SLC13A3: variants seen among roughly 807,000 people sequenced by gnomAD.
The protein encoded by SLC13A3 is solute carrier family 13 member 3, also known as Na(+)/dicarboxylate cotransporter 3.
A neutral mutation model predicts 59.0 loss-of-function variants in SLC13A3; 40 were observed. The ratio of observed to expected loss-of-function variants is 0.68; its 90% CI spans 0.53 to 0.88. The LOEUF is 0.88. Ranked by LOEUF, SLC13A3 falls within the 40% of genes least tolerant of loss-of-function variation. The pLI, the probability that SLC13A3 is intolerant of heterozygous loss-of-function variation, is 0.00. For synonymous variants in SLC13A3, 317 were observed against 330.3 expected (o/e 0.96, Z 0.44); for missense variants, 699 against 783.2 (o/e 0.89, Z 1.28).
chr20:46,563,460 G>T lies in SLC13A3; in HGVS notation c.1586C>A (p.Pro529His), dbSNP rs777030097. Reference sequence around the variant, plus strand: ...TCCAGAGGCGAAGGCGATGGAGTTGGGGGGCGTTGAGACCGGGAGCATGAA... The same window carrying T: ...TCCAGAGGCGAAGGCGATGGAGTTGTGGGGCGTTGAGACCGGGAGCATGAA... ...FAFMLPVSTPPNSIAFASGHL... is the reference protein window; with the variant it reads ...FAFMLPVSTPHNSIAFASGHL... The change falls in exon 12 of 13, where the codon CCC becomes CAC. Residue 529 changes from proline to histidine, a missense_variant. Transcript: ENST00000279027. 6.2e-7 allele frequency: 1 copy of T among 1,614,168 alleles called. No individual in the cohort carries two copies. Among genetic ancestry groups the T allele is most frequent in the South Asian group, 1.1e-5 (1 of 91,084 alleles).
chr20:46,645,534 T>C (rs927908287), intron 1 of SLC13A3, among the ~76,000 whole-genome samples: 1 of 152,142 alleles, frequency 6.6e-6, no homozygotes, highest in Non-Finnish European at 1.5e-5. Context: ...AGGCTATGGG[T>C]CCAGTATTTC....
intron 1 of SLC13A3, among the ~76,000 whole-genome samples, chr20:46,635,587 G>A (rs1007649165): frequency 4.6e-5 from 7 of 152,092 alleles, no homozygotes; most frequent in African/African-American, 1.7e-4. Flanking sequence ...TCCCTACCCT[G>A]CTTTTGTTCT....
intron 3 of SLC13A3, 83 bp downstream of exon 3, chr20:46,610,363 G>A: frequency 7.1e-7 from 1 of 1,403,354 alleles, no homozygotes; most frequent in Non-Finnish European, 9.8e-7. Context: ...CATGCCCTTG[G>A]CCTTCCCTAA....
rs774196710 is a variant in SLC13A3, at chr20:46,566,358, C to A, written c.1365G>T (p.Gln455His). ...ESGLSVWIGG[Q>H]LHPLENVPPA... is the part of the protein sequence containing the mutation. ...GGGGCACATTCTCCAGGGGGTGCAG[C>A]TGCCCACCAATCCATACAGACAGCC... The change falls in exon 11 of 13, where the codon CAG becomes CAT. Residue 455 changes from glutamine (Q) to histidine (H), a missense_variant. By Grantham distance (24) the Gln-to-His change is conservative (BLOSUM62 0). Coordinates refer to ENST00000279027, the MANE Select transcript of SLC13A3 (RefSeq NM_022829.6). The A allele has an allele frequency of 6.2e-6, 10 of 1,612,486 alleles. No individual in the cohort carries two copies. The Admixed American group carries it at 1.7e-4, about 27-fold the overall frequency.
At chr20:46,612,431 C>T (rs140279077) in intron 2 of SLC13A3, among the ~76,000 whole-genome samples, 7 of 152,134 alleles carry the variant, frequency 4.6e-5, no homozygotes, top group African/African-American at 1.2e-4. Flanking sequence ...ACACTGCGCC[C>T]GGCAAGATCC....
chr20:46,625,283 T>C (rs144830551), intron 1 of SLC13A3, among the ~76,000 whole-genome samples: 1 of 152,212 alleles, frequency 6.6e-6, no homozygotes, highest in Non-Finnish European at 1.5e-5. Flanking sequence ...ATTCTGATGA[T>C]CACCTGGAAC....
intron 3 of SLC13A3, among the ~76,000 whole-genome samples, chr20:46,607,522 C>A (rs2068485956): frequency 6.6e-6 from 1 of 152,214 alleles, no homozygotes; most frequent in Non-Finnish European, 1.5e-5. Flanking sequence ...GATCCCATGG[C>A]CTGTAAAGGT....
chr20:46,599,916 C>T lies in SLC13A3; in HGVS notation c.608+55G>A. ...TGGTTTGCAGCATTGAATTCTTGTT[C>T]ATCATCTCCTTGAATCAAGCACTGG... On this transcript the variant is annotated intron_variant, in intron 4 of 12. Coordinates refer to ENST00000279027, the MANE Select transcript of SLC13A3 (RefSeq NM_022829.6). 3.8e-6 allele frequency: 5 copies of T among 1,332,554 alleles called. 1 individual carries two copies. In the South Asian group the frequency reaches 6.0e-5, roughly 16 times the overall value. The allele number at this position is 1,332,554 out of a possible 1,614,324, so 82.5% of individuals were successfully genotyped here.
At chr20:46,648,440 G>C (rs750869740) in intron 1 of SLC13A3, among the ~76,000 whole-genome samples, 4 of 152,136 alleles carry the variant, frequency 2.6e-5, no homozygotes, top group Non-Finnish European at 5.9e-5. Flanking sequence ...GAGATTTTGA[G>C]GGAGGCGAAG....
chr20:46,601,062 T>C (rs1476059802), intron 3 of SLC13A3, among the ~76,000 whole-genome samples: 1 of 150,446 alleles, frequency 6.6e-6, no homozygotes, highest in Non-Finnish European at 1.5e-5. Flanking sequence ...TTGGCTGAGA[T>C]GAAGAACTGA....
chr20:46,666,934 G>A (rs567683686), intron 1 of SLC13A3, among the ~76,000 whole-genome samples: 21 of 152,138 alleles, frequency 1.4e-4, no homozygotes, highest in South Asian at 8.3e-4. Context: ...CAGGGAGTAC[G>A]TGACAATGGC....
At chr20:46,674,586 A>AGT (rs1421866998), upstream of SLC13A3, among the ~76,000 whole-genome samples, 9 of 117,736 alleles carry the variant, frequency 7.6e-5, no homozygotes, top group African/African-American at 3.0e-4. Flanking sequence ...GTAGGTGGGG[A>AGT]GTGCGCGCGC....
chr20:46,632,770 C>G (rs1300300108), intron 1 of SLC13A3, among the ~76,000 whole-genome samples: 4 of 151,992 alleles, frequency 2.6e-5, no homozygotes, highest in African/African-American at 9.7e-5. Context: ...AGGCTGGGTG[C>G]AACATATAGC....
chr20:46,585,616 T>C, intron 8 of SLC13A3: 2 of 1,253,256 alleles, frequency 1.6e-6, no homozygotes, highest in South Asian at 1.4e-5. Flanking sequence ...GTGATCACAA[T>C]GTAGAACAGT....
intron 1 of SLC13A3, among the ~76,000 whole-genome samples, chr20:46,667,833 G>C (rs2063069786): frequency 6.6e-6 from 1 of 152,212 alleles, no homozygotes; most frequent in Non-Finnish European, 1.5e-5. Context: ...CCAACAGCAT[G>C]TGCTCACTTC....
At chr20:46,608,763 T>A in intron 3 of SLC13A3, 1 of 1,225,934 alleles carries the variant, frequency 8.2e-7, no homozygotes, top group Non-Finnish European at 1.1e-6. Flanking sequence ...AAACTAGAAC[T>A]AGCACACAAA....
intron 1 of SLC13A3, among the ~76,000 whole-genome samples, chr20:46,648,950 C>T (rs959738642): frequency 4.3e-4 from 65 of 151,984 alleles, no homozygotes; most frequent in African/African-American, 1.6e-3. Flanking sequence ...CATACACACA[C>T]ACACACACAC....
intron 5 of SLC13A3, among the ~76,000 whole-genome samples, chr20:46,595,632 G>T (rs536305342): frequency 6.6e-6 from 1 of 152,138 alleles, no homozygotes; most frequent in South Asian, 2.1e-4. Context: ...AACACTTACC[G>T]CTATAACCTT....
At chr20:46,643,898 C>A (rs1406842809) in intron 1 of SLC13A3, among the ~76,000 whole-genome samples, 1 of 152,022 alleles carries the variant, frequency 6.6e-6, no homozygotes, top group South Asian at 2.1e-4. Flanking sequence ...ATTAGCCAGG[C>A]GTGGTGACGT....
Sources: gnomAD v4.1 joint callset for allele counts (sites outside exome capture counted in the v4.1 genomes callset) on GRCh38, gnomAD v4.1.1 for gene constraint, MANE v1.5 for transcripts, NCBI Gene and HGNC (gene_info 2026-07-23, HGNC 2026-07-21) for gene names.